The following PTPRD variants were observed in gnomAD, a reference collection of about 807,000 sequenced individuals.
PTPRD encodes protein tyrosine phosphatase receptor type D.
In PTPRD, 34 loss-of-function variants were observed where a neutral mutation model predicts 214.5. The observed-to-expected ratio is 0.16, with a 90% confidence interval of 0.12 to 0.21. The LOEUF is 0.21. Ranked by LOEUF, PTPRD falls within the 10% of genes least tolerant of loss-of-function variation. The pLI is 1.00. For missense variants in PTPRD, 2,545 were observed against 2,398.7 expected, an observed-to-expected ratio of 1.06 and a Z score of -1.27; for synonymous variants, 1,128 against 845.7, an observed-to-expected ratio of 1.33 and a Z score of -5.79.
At chr9:9,610,135 T>C (rs2094440181) in intron 7 of PTPRD, among the ~76,000 whole-genome samples, 1 of 152,084 alleles carries the variant, frequency 6.6e-6, no homozygotes, top group Non-Finnish European at 1.5e-5. Context: ...TATAAACCAG[T>C]AGAAATACGT....
chr9:8,709,959 T>C (rs1016940194), intron 12 of PTPRD, among the ~76,000 whole-genome samples: 10 of 152,208 alleles, frequency 6.6e-5, no homozygotes, highest in Non-Finnish European at 2.9e-5. Flanking sequence ...CACAGCTTAT[T>C]ATTTATTATG....
intron 10 of PTPRD, among the ~76,000 whole-genome samples, chr9:9,088,976 T>A (rs375719172): frequency 3.9e-5 from 6 of 152,168 alleles, no homozygotes; most frequent in African/African-American, 1.4e-4. Flanking sequence ...AAGCACTCAA[T>A]AAATATGAGC....
intron 9 of PTPRD, among the ~76,000 whole-genome samples, chr9:9,299,127 T>C (rs762577211): frequency 1.3e-5 from 2 of 151,754 alleles, no homozygotes; most frequent in Non-Finnish European, 1.5e-5. Flanking sequence ...CCAGCAAATA[T>C]AGGGAGGTGA....
intron 9 of PTPRD, among the ~76,000 whole-genome samples, chr9:9,229,706 C>T (rs1234251961): frequency 1.3e-5 from 2 of 151,934 alleles, no homozygotes; most frequent in East Asian, 1.9e-4. Flanking sequence ...CAAAAAAATA[C>T]ATTTGTGGAA....
At chr9:10,479,936 G>A (rs1399078472) in intron 2 of PTPRD, among the ~76,000 whole-genome samples, 1 of 152,072 alleles carries the variant, frequency 6.6e-6, no homozygotes. Context: ...AAAATCCGGG[G>A]TCTTAAAATT....
At chr9:8,364,149 C>G (rs1403015791) in intron 39 of PTPRD, among the ~76,000 whole-genome samples, 1 of 152,180 alleles carries the variant, frequency 6.6e-6, no homozygotes, top group African/African-American at 2.4e-5. Flanking sequence ...TGGTCAGAAG[C>G]AAAGGGTTTG....
At chr9:10,393,282 C>T (rs531562556) in intron 2 of PTPRD, among the ~76,000 whole-genome samples, 3 of 151,066 alleles carry the variant, frequency 2.0e-5, no homozygotes, top group Non-Finnish European at 3.0e-5. Flanking sequence ...AATTGGTCTG[C>T]TATTTTGTGT....
At chr9:8,755,341 C>T (rs915600888) in intron 11 of PTPRD, among the ~76,000 whole-genome samples, 2 of 151,926 alleles carry the variant, frequency 1.3e-5, no homozygotes, top group Non-Finnish European at 2.9e-5. Context: ...GCCAGCCTGG[C>T]CAACATGGTG....
intron 9 of PTPRD, among the ~76,000 whole-genome samples, chr9:9,266,488 C>T (rs906447641): frequency 2.0e-5 from 3 of 151,126 alleles, no homozygotes; most frequent in African/African-American, 4.8e-5. Context: ...CAAGATAGAA[C>T]ATTTATTAGG....
chr9:10,551,153 G>A (rs565963448), intron 2 of PTPRD, among the ~76,000 whole-genome samples: 2 of 152,184 alleles, frequency 1.3e-5, no homozygotes, highest in African/African-American at 4.8e-5. Context: ...GGGCAACAGA[G>A]TGACACCCCC....
At chr9:10,149,754 G>A (rs2197050) in intron 3 of PTPRD, among the ~76,000 whole-genome samples, 1,604 of 148,304 alleles carry the variant, frequency 0.011, 92 homozygotes, top group Admixed American at 0.083. Flanking sequence ...TTTCTGAGAT[G>A]GAGTCTTGCT....
intron 9 of PTPRD, among the ~76,000 whole-genome samples, chr9:9,285,499 C>A (rs1430242885): frequency 6.6e-6 from 1 of 151,826 alleles, no homozygotes; most frequent in Admixed American, 6.6e-5. Context: ...TTCTTGCTCT[C>A]TCCAGACATT....
intron 8 of PTPRD, among the ~76,000 whole-genome samples, chr9:9,547,725 T>A (rs940519553): frequency 1.3e-5 from 2 of 151,876 alleles, no homozygotes; most frequent in African/African-American, 4.8e-5. Context: ...TTCCAAACTT[T>A]TCCAATTGTT....
At chr9:10,099,316 G>C (rs576674188) in intron 3 of PTPRD, among the ~76,000 whole-genome samples, 1 of 151,372 alleles carries the variant, frequency 6.6e-6, no homozygotes, top group Non-Finnish European at 1.5e-5. Context: ...CTGTAAAATC[G>C]GAATAAAATA....
At chr9:8,808,424 A>G (rs535960024) in intron 11 of PTPRD, among the ~76,000 whole-genome samples, 4 of 151,900 alleles carry the variant, frequency 2.6e-5, no homozygotes, top group Non-Finnish European at 5.9e-5. Context: ...CACCAAATAC[A>G]AAATTTATAT....
At chr9:8,759,393 G>T (rs570535931) in intron 11 of PTPRD, among the ~76,000 whole-genome samples, 1 of 151,932 alleles carries the variant, frequency 6.6e-6, no homozygotes, top group Non-Finnish European at 1.5e-5. Context: ...TTGTGTCTTG[G>T]AGGAGGCAAC....
chr9:8,354,557 A>C (rs954909980), intron 39 of PTPRD, among the ~76,000 whole-genome samples: 9 of 152,224 alleles, frequency 5.9e-5, no homozygotes, highest in Non-Finnish European at 1.2e-4. Flanking sequence ...AGTTTCTAAT[A>C]AATTTTGGAG....
intron 7 of PTPRD, among the ~76,000 whole-genome samples, chr9:9,668,037 A>T (rs2096756341): frequency 6.6e-6 from 1 of 152,126 alleles, no homozygotes; most frequent in Admixed American, 6.6e-5. Context: ...TCAAATTCAA[A>T]ATCAGAGCTA....
At chr9:8,541,246 T>C (rs2078328106) in intron 14 of PTPRD, among the ~76,000 whole-genome samples, 1 of 152,182 alleles carries the variant, frequency 6.6e-6, no homozygotes, top group African/African-American at 2.4e-5. Context: ...TTTTGCTTTT[T>C]ATAGATAGGG....
Sources: allele counts gnomAD v4.1 joint callset (sites outside exome capture counted in the v4.1 genomes callset), GRCh38; gene constraint gnomAD v4.1.1; transcripts MANE v1.5; gene names NCBI Gene and HGNC (gene_info 2026-07-23, HGNC 2026-07-21).